Variants in TFEC observed in about 807,000 individuals in gnomAD.
TFEC encodes class E basic helix-loop-helix protein 34.
TFEC carries 31 observed loss-of-function variants against 41.6 expected under a neutral mutation model. The ratio of observed to expected loss-of-function variants is 0.74; its 90% CI spans 0.56 to 1.01. The LOEUF is 1.01. Ranked by LOEUF, TFEC falls within the 50% of genes least tolerant of loss-of-function variation. The probability of loss-of-function intolerance (pLI) is 0.00; values close to 1 mark genes in which losing one functional copy is unlikely to be tolerated. For synonymous variants in TFEC, 143 were observed against 140.6 expected, an observed-to-expected ratio of 1.02 and a Z score of -0.12; for missense variants, 402 against 404.1, an observed-to-expected ratio of 0.99 and a Z score of 0.04.
At chr7:116,114,744 C>G (rs1050329918) in intron 1 of TFEC, among the ~76,000 whole-genome samples, 7 of 152,008 alleles carry the variant, frequency 4.6e-5, no homozygotes, top group African/African-American at 1.7e-4. Context: ...CCGAGAAATG[C>G]AAGAGCGGTA....
Position 116,019,117 on chromosome 7 carries a change from TAGAG to T in TFEC, c.-73+11512_-73+11515del, listed in dbSNP as rs148574555. Among the ~76,000 whole-genome samples, 4 of 151,120 alleles carry T rather than the reference TAGAG, an allele frequency of 2.6e-5. No individual in the cohort carries two copies. In the East Asian group the frequency reaches 5.8e-4, roughly 22 times the overall value. On this transcript the variant is annotated intron_variant, in intron 1 of 7. Coordinates refer to ENST00000265440, the MANE Select transcript of TFEC (RefSeq NM_012252.4). ...ACTCCATCAGACCAAAGAGAATGTA[TAGAG>T]AGAGAGAGAGCAAGAGAGCTGGAAG...
intron 3 of TFEC, among the ~76,000 whole-genome samples, chr7:116,079,911 C>T (rs1406003160): frequency 6.6e-6 from 1 of 152,068 alleles, no homozygotes; most frequent in African/African-American, 2.4e-5. Flanking sequence ...GGAGGCATCA[C>T]ATTACCCGAC....
chr7:115,986,771 A>AG (rs1562913706), intron 1 of TFEC, among the ~76,000 whole-genome samples: 2 of 79,638 alleles, frequency 2.5e-5, no homozygotes, highest in African/African-American at 1.0e-4. Context: ...GGGTGGGGGG[A>AG]GGGGGGAGGG....
chr7:115,940,558 T>C lies in TFEC; in HGVS notation c.1037A>G (p.Glu346Gly), dbSNP rs556971169. The C allele has an allele frequency of 6.2e-7, 1 of 1,608,250 alleles. No homozygotes were observed. Among genetic ancestry groups the C allele is most frequent in the Admixed American group, 1.7e-5 (1 of 59,452 alleles). The change falls in exon 8 of 8, where the codon GAA becomes GGA. Residue 346 changes from glutamate to glycine, a missense_variant. Coordinates refer to ENST00000265440, the MANE Select transcript of TFEC (RefSeq NM_012252.4). ...RSSFSSDDGD[E>G]L ...ATTGGGTCTGTTTATTTCTTATAATTCATCACCATCATCTGAGCTAAAGCT... is the reference window on the plus strand; with the variant it reads ...ATTGGGTCTGTTTATTTCTTATAATCCATCACCATCATCTGAGCTAAAGCT...
intron 1 of TFEC, among the ~76,000 whole-genome samples, chr7:116,030,377 T>G (rs538500108): frequency 6.6e-6 from 1 of 152,152 alleles, no homozygotes; most frequent in South Asian, 2.1e-4. Flanking sequence ...ATAAATAACT[T>G]TGGTTACCAT....
At chr7:116,118,566 C>A (rs969010558) in intron 1 of TFEC, among the ~76,000 whole-genome samples, 3 of 151,648 alleles carry the variant, frequency 2.0e-5, no homozygotes, top group Non-Finnish European at 2.9e-5. Context: ...ATAAGTCCTG[C>A]ACCTACACAC....
At chr7:115,947,071 T>A (rs1282174843) in intron 6 of TFEC, among the ~76,000 whole-genome samples, 1 of 55,778 alleles carries the variant, frequency 1.8e-5, no homozygotes, top group Non-Finnish European at 3.3e-5. Context: ...CCCTCCCCCC[T>A]CCCCCCACCC....
chr7:115,940,912 C>T lies in TFEC; in HGVS notation c.683G>A (p.Arg228His), dbSNP rs764957936. ...AGCCAGGGTTGGCAGACCATGAGTA[C>T]GAGCCTGAATTTCTAGTTCCTGTAA... Reference protein sequence around the residue: ...LRIQELEIQARTHGLPTLASL... With the variant: ...LRIQELEIQAHTHGLPTLASL... The change falls in exon 8 of 8, where the codon CGT (arginine) becomes CAT (histidine). Residue 228 changes from arginine (R) to histidine (H), a missense_variant. Physicochemically the swap from Arg to His is conservative, Grantham distance 29. Coordinates refer to ENST00000265440, the MANE Select transcript of TFEC (RefSeq NM_012252.4). 5.1e-6 allele frequency: 8 copies of T among 1,580,804 alleles called. No homozygotes were observed. The South Asian group carries it at 8.0e-5, about 16-fold the overall frequency.
chr7:115,957,214 C>T (rs1792283405), intron 3 of TFEC, among the ~76,000 whole-genome samples: 1 of 151,854 alleles, frequency 6.6e-6, no homozygotes, highest in Non-Finnish European at 1.5e-5. Flanking sequence ...AACGGTTGAA[C>T]ATTTTGGGAC....
Position 115,936,839 on chromosome 7 carries a change from G to C in TFEC, c.*3712C>G, listed in dbSNP as rs1562867969. On this transcript the variant is annotated 3_prime_UTR_variant, in exon 8 of 8. Transcript: ENST00000265440. ...AATGAGTTGAAAAAGGAAGAGGAAG[G>C]CTATTTCTCAATGTCCCCAGCTCAT... The C allele has an allele frequency of 6.6e-6, 1 of 151,326 alleles. No homozygotes were observed. The highest frequency in any genetic ancestry group is 1.9e-4 in the East Asian group (1 of 5,152). 9.4% of individuals were successfully genotyped at this position (151,326 alleles called of 1,614,324 possible).
intron 1 of TFEC, among the ~76,000 whole-genome samples, chr7:115,991,329 A>C (rs1228443274): frequency 6.6e-6 from 1 of 152,200 alleles, no homozygotes; most frequent in Non-Finnish European, 1.5e-5. Flanking sequence ...AACGAGCAAA[A>C]TAACCAGCTA....
intron 3 of TFEC, among the ~76,000 whole-genome samples, chr7:116,080,989 G>T (rs1330421268): frequency 7.0e-6 from 1 of 142,922 alleles, no homozygotes; most frequent in Admixed American, 7.0e-5. Flanking sequence ...GTGTGTGTGT[G>T]TGTGTGTGTG....
upstream of TFEC, among the ~76,000 whole-genome samples, chr7:116,035,033 T>C (rs1236658418): frequency 1.3e-5 from 2 of 151,800 alleles, no homozygotes; most frequent in Non-Finnish European, 2.9e-5. Context: ...AGGTTTTCTG[T>C]TTAATTTCAA....
intron 3 of TFEC, among the ~76,000 whole-genome samples, chr7:116,053,219 G>A (rs963951826): frequency 6.6e-6 from 1 of 152,184 alleles, no homozygotes; most frequent in South Asian, 2.1e-4. Flanking sequence ...GAGATGGAAT[G>A]AATCTTGGAC....
chr7:115,962,414 C>T lies in TFEC; in HGVS notation c.268-5621G>A, dbSNP rs62477234. Among the ~76,000 whole-genome samples, 1,320 of 151,898 alleles carry T rather than the reference C, an allele frequency of 8.7e-3. 9 individuals carry two copies. Among genetic ancestry groups the T allele is most frequent in the Non-Finnish European group, 0.014 (921 of 67,826 alleles). ...CTTGTGAAAGAACAAAGTTGGAGCACTCACACTTCTAGATTTCAAAACTTA... is the reference window on the plus strand; with the variant it reads ...CTTGTGAAAGAACAAAGTTGGAGCATTCACACTTCTAGATTTCAAAACTTA... On this transcript the variant is annotated intron_variant, in intron 3 of 7. Coordinates refer to ENST00000265440, the MANE Select transcript of TFEC (RefSeq NM_012252.4).
intron 3 of TFEC, chr7:115,968,418 C>T (rs752756780): frequency 1.5e-5 from 13 of 842,986 alleles, no homozygotes; most frequent in Admixed American, 3.4e-5. Flanking sequence ...TCCAACCAAG[C>T]ACAGGGGGTT....
intron 3 of TFEC, among the ~76,000 whole-genome samples, chr7:116,046,248 T>C (rs1420961913): frequency 6.6e-6 from 1 of 152,286 alleles, no homozygotes; most frequent in East Asian, 1.9e-4. Flanking sequence ...GGCAGAATGA[T>C]ATGGTTTGGC....
intron 3 of TFEC, among the ~76,000 whole-genome samples, chr7:116,069,011 T>A (rs1206238483): frequency 6.6e-6 from 1 of 151,676 alleles, no homozygotes; most frequent in African/African-American, 2.4e-5. Flanking sequence ...TTCTTTAAGA[T>A]TTGTCAAATT....
chr7:116,134,707 C>G (rs1174180558), intron 1 of TFEC, among the ~76,000 whole-genome samples: 2 of 151,944 alleles, frequency 1.3e-5, no homozygotes, highest in Middle Eastern at 3.2e-3. Flanking sequence ...GTATATGAAC[C>G]CAAATACTTT....
Sources: allele counts gnomAD v4.1 joint callset (sites outside exome capture counted in the v4.1 genomes callset), GRCh38; gene constraint gnomAD v4.1.1; transcripts MANE v1.5; gene names NCBI Gene and HGNC (gene_info 2026-07-23, HGNC 2026-07-21).